SLX9: variants seen among roughly 807,000 people sequenced by gnomAD.
SLX9 encodes ribosome biogenesis protein SLX9 homolog.
Under a neutral mutation model 20.8 loss-of-function variants are expected in SLX9, and 19 were observed. That is an observed-to-expected ratio of 0.91 (90% CI 0.64 to 1.34). SLX9 has a LOEUF of 1.34. Among genes scored for constraint, SLX9 ranks in the 40% most tolerant of loss-of-function variants. SLX9 has a pLI of 0.00. For missense variants in SLX9, 299 were observed against 322.2 expected (o/e 0.93, Z 0.55); for synonymous variants, 113 against 137.1 (o/e 0.82, Z 1.23).
At chr21:44,951,632 G>C (rs1236755014) in intron 2 of SLX9, among the ~76,000 whole-genome samples, 1 of 152,132 alleles carries the variant, frequency 6.6e-6, no homozygotes, top group African/African-American at 2.4e-5. Context: ...AGACAAATAC[G>C]CAACATTGGG....
intron 2 of SLX9, among the ~76,000 whole-genome samples, chr21:44,955,285 C>T (rs965346666): frequency 7.2e-5 from 11 of 152,166 alleles, no homozygotes; most frequent in African/African-American, 2.7e-4. Flanking sequence ...ACTCCTAGTC[C>T]CCTGTGCTCC....
intron 2 of SLX9, chr21:44,959,168 G>T: frequency 1.0e-6 from 1 of 978,692 alleles, no homozygotes; most frequent in South Asian, 4.7e-5. Flanking sequence ...GAAATGCAGA[G>T]CGCAGCGACT....
At chr21:44,975,820 C>T (rs959486090) in intron 5 of SLX9, among the ~76,000 whole-genome samples, 4 of 152,268 alleles carry the variant, frequency 2.6e-5, no homozygotes, top group East Asian at 1.9e-4. Flanking sequence ...GCTGTGGAGA[C>T]GGCCCCAGCC....
intron 3 of SLX9, among the ~76,000 whole-genome samples, chr21:44,964,749 T>C (rs1266191046): frequency 6.6e-6 from 1 of 152,256 alleles, no homozygotes; most frequent in African/African-American, 2.4e-5. Context: ...CTCGATATTA[T>C]GAAACATTTA....
chr21:44,967,355 G>A (rs373517384), intron 4 of SLX9, among the ~76,000 whole-genome samples, 174 bp downstream of exon 4: 4 of 152,210 alleles, frequency 2.6e-5, no homozygotes, highest in East Asian at 3.9e-4. Flanking sequence ...GCGTGAGCTC[G>A]TGAGGCCCGT....
intron 4 of SLX9, 140 bp downstream of exon 4, chr21:44,967,321 C>T: frequency 8.0e-7 from 1 of 1,253,586 alleles, no homozygotes; most frequent in Non-Finnish European, 1.1e-6. Flanking sequence ...AGCCGGTGCT[C>T]CGCACAGGTA....
intron 3 of SLX9, among the ~76,000 whole-genome samples, chr21:44,962,298 G>A (rs1026581448): frequency 6.6e-6 from 1 of 152,026 alleles, no homozygotes; most frequent in Non-Finnish European, 1.5e-5. Context: ...ACCATTCCCC[G>A]ACAGTCACGC....
chr21:44,940,306 T>G, intron 1 of SLX9, 120 bp downstream of exon 1: 1 of 1,171,966 alleles, frequency 8.5e-7, no homozygotes. Context: ...TGCGGGCATT[T>G]GCTGCGCTAC....
At chr21:44,968,694 G>C (rs11701378) in intron 4 of SLX9, among the ~76,000 whole-genome samples, 23,356 of 151,748 alleles carry the variant, frequency 0.15, 1,882 homozygotes, top group Admixed American at 0.21. Context: ...AAAGAGGCCG[G>C]ACCACTCTGT....
chr21:44,943,598 TCTTCTCCTCAC>T (rs2084588108), intron 1 of SLX9, 75 bp from the exon 2 acceptor site: 27 of 1,543,774 alleles, frequency 1.7e-5, no homozygotes, highest in Non-Finnish European at 2.4e-5. Flanking sequence ...TTGTCTTGCA[TCTTCTCCTCAC>T]CTTTAACGTC....
rs201400373 is a variant in SLX9, at chr21:44,967,211, G to A, written c.500+30G>A. The A allele has an allele frequency of 6.2e-4, 959 of 1,541,048 alleles. 4 individuals are homozygous for A. The highest frequency in any genetic ancestry group is 1.2e-3 in the East Asian group (54 of 44,246). On this transcript the variant is annotated intron_variant, in intron 4 of 5. Transcript: ENST00000291634. ...GTGTCCGGGAGGGGTGGCCCTTTCC[G>A]AGCTGTGGGGCTGACCCGGGTCCAG... is the stretch of plus-strand genomic sequence containing the variant.
intron 3 of SLX9, among the ~76,000 whole-genome samples, chr21:44,963,144 A>G (rs2084974645): frequency 6.8e-6 from 1 of 147,818 alleles, no homozygotes; most frequent in African/African-American, 2.5e-5. Flanking sequence ...GCTGGAGTGC[A>G]GTGGTGCGAT....
At chr21:44,940,022 A>C, upstream of SLX9, 1 of 1,392,480 alleles carries the variant, frequency 7.2e-7, no homozygotes, top group Non-Finnish European at 9.3e-7. Flanking sequence ...AGCTTCCGGG[A>C]GGCGCTCCGC....
intron 1 of SLX9, among the ~76,000 whole-genome samples, chr21:44,940,627 T>C (rs1037367251): frequency 6.6e-6 from 1 of 151,984 alleles, no homozygotes; most frequent in Non-Finnish European, 1.5e-5. Context: ...CTACCTTTTG[T>C]CTTTATTCTA....
intron 4 of SLX9, among the ~76,000 whole-genome samples, chr21:44,971,582 G>A (rs1568946582): frequency 6.6e-6 from 1 of 152,176 alleles, no homozygotes; most frequent in Non-Finnish European, 1.5e-5. Flanking sequence ...TAAAGTGAGG[G>A]TGCAGCTCCA....
At chr21:44,945,508 G>A (rs1461788702) in intron 2 of SLX9, among the ~76,000 whole-genome samples, 1 of 152,158 alleles carries the variant, frequency 6.6e-6, no homozygotes, top group East Asian at 1.9e-4. Context: ...GGTCCCCAAG[G>A]TCACCTGCTG....
rs1170661500 is a variant in SLX9 at position 44,943,811 on chromosome 21, C to T, written c.257C>T (p.Ala86Val). 1.9e-5 allele frequency: 30 copies of T among 1,612,836 alleles called. No individual in the cohort carries two copies. Among genetic ancestry groups the T allele is most frequent in the Non-Finnish European group, 2.5e-5 (29 of 1,179,944 alleles). Residue 86 changes from alanine to valine, a missense_variant, in exon 2 of 6, where the codon GCA (alanine) becomes GTA (valine). Transcript: ENST00000291634. ...AGGAGAGGTGAGGCAGGCTCGAGTG[C>T]ACGGAGCGTCCCTTCCATCAGGAGA... is the stretch of plus-strand genomic sequence containing the variant. ...SVRRGEAGSS[A>V]RSVPSIRRGA...
intron 2 of SLX9, among the ~76,000 whole-genome samples, chr21:44,948,741 T>A (rs553471385): frequency 6.6e-6 from 1 of 152,250 alleles, no homozygotes; most frequent in African/African-American, 2.4e-5. Flanking sequence ...TCTGGCCAGA[T>A]ACCTGTGGCC....
intron 2 of SLX9, among the ~76,000 whole-genome samples, chr21:44,948,268 G>C (rs1388924751): frequency 2.0e-5 from 3 of 148,814 alleles, no homozygotes; most frequent in African/African-American, 7.5e-5. Flanking sequence ...GTGAAGCATC[G>C]GGCGGTCCGG....
Sources: allele counts gnomAD v4.1 joint callset (sites outside exome capture counted in the v4.1 genomes callset), GRCh38; gene constraint gnomAD v4.1.1; transcripts MANE v1.5; gene names NCBI Gene and HGNC (gene_info 2026-07-23, HGNC 2026-07-21).